Variants in MSANTD5 observed in about 807,000 individuals in gnomAD.
The protein encoded by MSANTD5 is Myb/SANT DNA binding domain containing 5, also known as uncharacterized protein MSANTD5.
rs1242764859 is a variant in MSANTD5 at position 178,696,232 on chromosome 5, C to CT, written c.7-52dup. On this transcript the variant is annotated intron_variant, in intron 1 of 3. Coordinates refer to ENST00000648368, the Ensembl canonical transcript of MSANTD5. ...TATTAGAATCTCTCTCTCTCTCTCT[C>CT]TTTTTTTTTGAGACAGAGTCTTGCT... 330 of 87,756 alleles carry CT rather than the reference C, an allele frequency of 3.8e-3. 1 individual carries two copies. Among genetic ancestry groups the CT allele is most frequent in the Admixed American group, 6.3e-3 (65 of 10,364 alleles). The allele number at this position is 87,756 out of a possible 1,614,324, so 5.4% of individuals were successfully genotyped here.
At chr5:178,703,555 C>T in the MSANTD5 span, among the ~76,000 whole-genome samples, 2 of 152,078 alleles carry the variant, frequency 1.3e-5, no homozygotes. Flanking sequence ...TTAATGGGTA[C>T]AAATATACAG....
At chr5:178,700,408 G>C (rs1489536563), upstream of MSANTD5, among the ~76,000 whole-genome samples, 3 of 152,064 alleles carry the variant, frequency 2.0e-5, no homozygotes, top group Non-Finnish European at 4.4e-5. Context: ...AGTTATCCTG[G>C]GCTGGTCACT....
chr5:178,691,808 C>A (rs1765359978), downstream of MSANTD5, among the ~76,000 whole-genome samples: 1 of 136,416 alleles, frequency 7.3e-6, no homozygotes. Flanking sequence ...TCATCAGCCG[C>A]CAGGGAACTG....
At chr5:178,693,857 C>G (rs112243691), downstream of MSANTD5, among the ~76,000 whole-genome samples, 6,258 of 152,090 alleles carry the variant, frequency 0.041, 513 homozygotes, top group African/African-American at 0.14. Context: ...CCACCCGACC[C>G]AGAAGCCCAG....
At chr5:178,699,446 CT>C (rs1765453832), upstream of MSANTD5, among the ~76,000 whole-genome samples, 1 of 71,012 alleles carries the variant, frequency 1.4e-5, no homozygotes, top group Non-Finnish European at 3.6e-5. Flanking sequence ...TTTTTTTTTT[CT>C]GATAGAGTCT....
At chr5:178,702,692 G>A (rs922387498), upstream of MSANTD5, among the ~76,000 whole-genome samples, 1 of 151,910 alleles carries the variant, frequency 6.6e-6, no homozygotes, top group African/African-American at 2.4e-5. Flanking sequence ...CTGCCTCTTG[G>A]GTTCAAGCAA....
At chr5:178,698,626 C>T (rs1180913932), upstream of MSANTD5, among the ~76,000 whole-genome samples, 1 of 151,900 alleles carries the variant, frequency 6.6e-6, no homozygotes, top group Non-Finnish European at 1.5e-5. Flanking sequence ...GCTGCCCAGG[C>T]TGGGGTGCAG....
chr5:178,701,316 T>C (rs191368186), upstream of MSANTD5, among the ~76,000 whole-genome samples: 12 of 152,156 alleles, frequency 7.9e-5, no homozygotes, highest in African/African-American at 2.9e-4. Flanking sequence ...TCATCTAATC[T>C]AGGGGATACT....
downstream of MSANTD5, among the ~76,000 whole-genome samples, chr5:178,691,880 G>A (rs889706325): frequency 2.2e-5 from 3 of 135,116 alleles, no homozygotes; most frequent in Non-Finnish European, 5.0e-5. Flanking sequence ...GCCCTGGGCA[G>A]AGGCCAGTCC....
In MSANTD5 at chr5:178,697,310, C is replaced by T. The variant is rs931257080; in HGVS notation, c.6+276G>A. 3.7e-4 allele frequency among the ~76,000 whole-genome samples: 56 copies of T among 151,478 alleles called. 1 individual carries two copies. The highest frequency in any genetic ancestry group is 2.9e-3 in the South Asian group (14 of 4,814). On this transcript the variant is annotated intron_variant, in intron 1 of 3. Coordinates refer to ENST00000648368, the Ensembl canonical transcript of MSANTD5. ...TCTACTAAAAATACAAAAAATTAGC[C>T]GGGCGTGGTGGCGGGCGCCTGTAGT...
chr5:178,705,042 TTTC>T, the MSANTD5 span, among the ~76,000 whole-genome samples: 11 of 151,650 alleles, frequency 7.3e-5, no homozygotes, highest in African/African-American at 2.4e-4. Flanking sequence ...AGACCTTGGT[TTTC>T]TTCTTTTCTT....
the MSANTD5 span, among the ~76,000 whole-genome samples, chr5:178,703,059 A>G: frequency 6.6e-6 from 1 of 152,246 alleles, no homozygotes; most frequent in Non-Finnish European, 1.5e-5. Flanking sequence ...AGCACCCGAG[A>G]GAACAGATTC....
chr5:178,693,994 T>C (rs1490817761), downstream of MSANTD5, among the ~76,000 whole-genome samples: 1 of 152,020 alleles, frequency 6.6e-6, no homozygotes, highest in Admixed American at 6.6e-5. Context: ...TTAATTTTAA[T>C]ACGAGGATCT....
At chr5:178,700,997 G>A (rs953103034), upstream of MSANTD5, among the ~76,000 whole-genome samples, 25 of 152,236 alleles carry the variant, frequency 1.6e-4, no homozygotes, top group African/African-American at 5.8e-4. Context: ...TTTTTGAGAC[G>A]GAGTCTCGCT....
At chr5:178,702,296 T>C (rs1765495089), upstream of MSANTD5, among the ~76,000 whole-genome samples, 2 of 149,910 alleles carry the variant, frequency 1.3e-5, no homozygotes, top group Admixed American at 6.7e-5. Flanking sequence ...TCTTTCTTTT[T>C]TTTTCTTTTT....
intron 3 of MSANTD5, 135 bp downstream of exon 3, chr5:178,695,152 G>A (rs2335443): frequency 2.6e-5 from 4 of 152,020 alleles, no homozygotes; most frequent in East Asian, 1.9e-4. Flanking sequence ...CCCCTGTGCT[G>A]TGTGTCGAGG....
At chr5:178,700,013 T>C (rs544083959), upstream of MSANTD5, among the ~76,000 whole-genome samples, 66 of 152,276 alleles carry the variant, frequency 4.3e-4, 2 homozygotes, top group South Asian at 0.013. Flanking sequence ...TTGTCCGGGC[T>C]CCAGGCTTCT....
chr5:178,699,964 G>A (rs540261495), upstream of MSANTD5, among the ~76,000 whole-genome samples: 77 of 118,004 alleles, frequency 6.5e-4, no homozygotes, highest in Admixed American at 1.1e-3. Context: ...TTCATTCCAT[G>A]GCTCTGGGGC....
intron 2 of MSANTD5, among the ~76,000 whole-genome samples, chr5:178,695,812 G>A (rs770153862): frequency 6.6e-6 from 1 of 152,154 alleles, no homozygotes; most frequent in African/African-American, 2.4e-5. Flanking sequence ...TGAGAGCCTG[G>A]GTCTTGCTCA....
Sources: gnomAD v4.1 joint callset for allele counts (sites outside exome capture counted in the v4.1 genomes callset) on GRCh38, gnomAD v4.1.1 for gene constraint, MANE v1.5 for transcripts, NCBI Gene and HGNC (gene_info 2026-07-23, HGNC 2026-07-21) for gene names.